The following RBM34 variants were observed in gnomAD, a reference collection of about 807,000 sequenced individuals.
RBM34 encodes RNA-binding protein 34.
RBM34 carries 39 observed loss-of-function variants against 44.6 expected under a neutral mutation model. That is an observed-to-expected ratio of 0.87 (90% CI 0.68 to 1.14). The LOEUF (loss-of-function observed/expected upper bound fraction) is 1.14. Among genes scored for constraint, RBM34 ranks in the 50% most tolerant of loss-of-function variants. The pLI, the probability that RBM34 is intolerant of heterozygous loss-of-function variation, is 0.00. For missense variants in RBM34, 572 were observed against 517.9 expected (o/e 1.10, Z -1.01); for synonymous variants, 194 against 184.0 (o/e 1.05, Z -0.44).
chr1:235,155,824 T>TATATATAC (rs1662389547), intron 3 of RBM34, among the ~76,000 whole-genome samples: 2 of 7,682 alleles, frequency 2.6e-4, no homozygotes, highest in Non-Finnish European at 4.4e-4. Context: ...TACATATACA[T>TATATATAC]ATATATATAT....
chr1:235,146,705 T>C (rs554661261), intron 6 of RBM34, among the ~76,000 whole-genome samples: 133 of 152,242 alleles, frequency 8.7e-4, no homozygotes, highest in African/African-American at 3.1e-3. Context: ...ACTGCAACCT[T>C]CATCTCCTGG....
intron 4 of RBM34, among the ~76,000 whole-genome samples, chr1:235,152,967 T>G (rs1295978527): frequency 2.0e-5 from 3 of 151,562 alleles, no homozygotes; most frequent in Non-Finnish European, 4.4e-5. Flanking sequence ...CCCCACGGCT[T>G]CAAGTGATTC....
intron 6 of RBM34, among the ~76,000 whole-genome samples, chr1:235,142,819 C>G (rs1265120439): frequency 6.7e-6 from 1 of 149,640 alleles, no homozygotes; most frequent in Non-Finnish European, 1.5e-5. Flanking sequence ...TCCCAGCTAC[C>G]TGAGAGGCTG....
intron 4 of RBM34, 125 bp downstream of exon 4, chr1:235,154,756 T>C (rs1662320369): frequency 2.5e-6 from 2 of 786,084 alleles, no homozygotes; most frequent in African/African-American, 1.8e-5. Flanking sequence ...AATCCATTCA[T>C]ATTAGGATGA....
At chr1:235,155,844 T>TATATATATATAC (rs1662403148) in intron 3 of RBM34, among the ~76,000 whole-genome samples, 2 of 28,306 alleles carry the variant, frequency 7.1e-5, no homozygotes, top group East Asian at 9.9e-4. Context: ...TATATATATA[T>TATATATATATAC]ATATATATAT....
At chr1:235,141,390 G>A (rs181452896) in intron 6 of RBM34, among the ~76,000 whole-genome samples, 188 of 152,204 alleles carry the variant, frequency 1.2e-3, no homozygotes, top group African/African-American at 4.4e-3. Context: ...CCTTTGTGTC[G>A]ATACTCTGTA....
At chr1:235,152,610 A>T in intron 5 of RBM34, 96 bp downstream of exon 5, 1 of 1,543,520 alleles carries the variant, frequency 6.5e-7, no homozygotes, top group South Asian at 1.3e-5. Context: ...TCAAAAGGTT[A>T]AAGTGCTTCA....
At chr1:235,152,870 CTTT>C (rs11351017) in intron 4 of RBM34, 105 bp from the exon 5 acceptor site, 8,065 of 586,708 alleles carry the variant, frequency 0.014, no homozygotes, top group South Asian at 0.024. Flanking sequence ...TACTGCCAGG[CTTT>C]TTTTTTTTTT....
At position 235,149,288 on chromosome 1, in the gene RBM34, C is replaced by T. The variant is rs553707687; in HGVS notation, c.658-841G>A. ...CCTGTAGTCCCAGCTACTCAGGAGG[C>T]TGAGGCAGGAGAATGGCGTGAACCC... On this transcript the variant is annotated intron_variant, in intron 5 of 10. Transcript: ENST00000408888. 2.9e-4 allele frequency among the ~76,000 whole-genome samples: 43 copies of T among 150,132 alleles called. 1 individual carries two copies. The highest frequency in any genetic ancestry group is 1.6e-4 in the Non-Finnish European group (11 of 67,738).
intron 6 of RBM34, among the ~76,000 whole-genome samples, chr1:235,145,114 A>C (rs1319249351): frequency 6.6e-6 from 1 of 152,178 alleles, no homozygotes; most frequent in Non-Finnish European, 1.5e-5. Context: ...TTCATGTCAC[A>C]AAAGACTGAT....
intron 6 of RBM34, 66 bp from the exon 7 acceptor site, chr1:235,138,240 C>A: frequency 7.5e-7 from 1 of 1,341,742 alleles, no homozygotes; most frequent in South Asian, 1.4e-5. Context: ...GCCTCAAAGT[C>A]ACTAGAAAAA....
chr1:235,146,292 T>G (rs1661904750), intron 6 of RBM34, among the ~76,000 whole-genome samples: 1 of 152,034 alleles, frequency 6.6e-6, no homozygotes, highest in Admixed American at 6.6e-5. Flanking sequence ...AAACTTTATG[T>G]CCATCAGTGG....
chr1:235,136,492 T>C (rs938284479), intron 8 of RBM34, among the ~76,000 whole-genome samples: 2 of 152,126 alleles, frequency 1.3e-5, no homozygotes, highest in Non-Finnish European at 2.9e-5. Context: ...AAAAGAAAAC[T>C]TCATTAACAA....
chr1:235,135,485 T>C (rs1661388564), intron 10 of RBM34, among the ~76,000 whole-genome samples, 167 bp downstream of exon 10: 1 of 152,162 alleles, frequency 6.6e-6, no homozygotes, highest in African/African-American at 2.4e-5. Flanking sequence ...CGTCTCGGCC[T>C]CCCAAAGTGC....
Position 235,131,629 on chromosome 1 carries a change from A to T in RBM34, c.*84T>A. 7.0e-7 allele frequency: 1 copy of T among 1,432,048 alleles called. No individual in the cohort carries two copies. The highest frequency in any genetic ancestry group is 1.4e-5 in the South Asian group (1 of 71,224). The allele number at this position is 1,432,048 out of a possible 1,614,324, so 88.7% of individuals were successfully genotyped here. On this transcript the variant is annotated 3_prime_UTR_variant, in exon 11 of 11. Coordinates refer to ENST00000408888, the MANE Select transcript of RBM34 (RefSeq NM_015014.4). Reference sequence around the variant, plus strand: ...CATAAAGAAGTATAAAACTCAACACATGAATAGCAGACGATGCTATCAGCA... The same window carrying T: ...CATAAAGAAGTATAAAACTCAACACTTGAATAGCAGACGATGCTATCAGCA...
intron 5 of RBM34, chr1:235,152,385 T>C: frequency 2.6e-6 from 2 of 761,886 alleles, no homozygotes; most frequent in Non-Finnish European, 3.3e-6. Flanking sequence ...AGAGAATGCC[T>C]AGGATTCCAG....
At chr1:235,135,987 G>A (rs1413893017) in intron 9 of RBM34, 47 bp downstream of exon 9, 108 of 1,435,334 alleles carry the variant, frequency 7.5e-5, no homozygotes, top group Admixed American at 1.4e-4. Context: ...TTATTTCCTT[G>A]TTATTTATTT....
At position 235,161,155 on chromosome 1, in the gene RBM34, C is replaced by T. The variant is rs1328439412; in HGVS notation, c.53+19G>A. The T allele has an allele frequency of 8.8e-6, 14 of 1,599,058 alleles. No homozygotes were observed. In the Admixed American group the frequency reaches 1.7e-4, roughly 19 times the overall value. ...CGTACAACATCCCTCCCCAGGTACT[C>T]GTGCCGCGCGCCACTCACCCCTCCT... On this transcript the variant is annotated intron_variant, in intron 1 of 10. Coordinates refer to ENST00000408888, the MANE Select transcript of RBM34 (RefSeq NM_015014.4).
Position 235,161,244 on chromosome 1 carries a change from C to T in RBM34, c.-18G>A. The T allele has an allele frequency of 6.2e-7, 1 of 1,613,458 alleles. No individual in the cohort carries two copies. Among genetic ancestry groups the T allele is most frequent in the South Asian group, 1.1e-5 (1 of 91,030 alleles). On this transcript the variant is annotated 5_prime_UTR_variant, in exon 1 of 11. Coordinates refer to ENST00000408888, the MANE Select transcript of RBM34 (RefSeq NM_015014.4). ...AAGGCCATTCTTACTCCAAAGACTC[C>T]CAGACTGCAGCTGCGCGCCAGCTCG...
Sources: allele counts gnomAD v4.1 joint callset (sites outside exome capture counted in the v4.1 genomes callset), GRCh38; gene constraint gnomAD v4.1.1; transcripts MANE v1.5; gene names NCBI Gene and HGNC (gene_info 2026-07-23, HGNC 2026-07-21).